The following KLHL29 variants were observed in gnomAD, a reference collection of about 807,000 sequenced individuals.
The protein encoded by KLHL29 is kelch like family member 29.
A neutral mutation model predicts 80.4 loss-of-function variants in KLHL29; 21 were observed. That is an observed-to-expected ratio of 0.26 (90% confidence interval 0.19 to 0.38). KLHL29 has a LOEUF of 0.38. Ranked by LOEUF, KLHL29 falls within the 10% of genes least tolerant of loss-of-function variation. KLHL29 has a pLI of 1.00. For synonymous variants in KLHL29, 511 were observed against 526.8 expected, an observed-to-expected ratio of 0.97 and a Z score of 0.41; for missense variants, 867 against 1,223.9, an observed-to-expected ratio of 0.71 and a Z score of 4.35.
chr2:23,613,342 AAGAT>A (rs1296186203), intron 3 of KLHL29, among the ~76,000 whole-genome samples: 1 of 152,240 alleles, frequency 6.6e-6, no homozygotes, highest in African/African-American at 2.4e-5. Context: ...AAGGTATAGA[AAGAT>A]TAAAGGGAAA....
At chr2:23,500,152 C>T (rs536973547) in intron 2 of KLHL29, among the ~76,000 whole-genome samples, 21 of 152,232 alleles carry the variant, frequency 1.4e-4, no homozygotes, top group Non-Finnish European at 2.6e-4. Flanking sequence ...TGGAAGGGAA[C>T]AGCAGGATAT....
At chr2:23,475,439 G>A (rs1427297508) in intron 1 of KLHL29, 121 bp from the exon 2 acceptor site, 1 of 122,876 alleles carries the variant, frequency 8.1e-6, no homozygotes, top group East Asian at 2.8e-4. Flanking sequence ...TCCAGTTAGT[G>A]TGGGGACCAC....
intron 5 of KLHL29, among the ~76,000 whole-genome samples, chr2:23,673,758 C>T (rs1440471135): frequency 6.6e-6 from 1 of 151,882 alleles, no homozygotes; most frequent in Non-Finnish European, 1.5e-5. Context: ...CACACACCCA[C>T]ACAACATGCT....
intron 2 of KLHL29, among the ~76,000 whole-genome samples, chr2:23,555,820 C>A (rs1054197780): frequency 6.6e-6 from 1 of 152,246 alleles, no homozygotes; most frequent in African/African-American, 2.4e-5. Context: ...TCTGCCCCAC[C>A]TCCTCTGAGA....
intron 2 of KLHL29, among the ~76,000 whole-genome samples, chr2:23,478,593 G>A (rs1664698870): frequency 6.6e-6 from 1 of 152,188 alleles, no homozygotes; most frequent in Admixed American, 6.5e-5. Flanking sequence ...AGGAAAGAGG[G>A]GTGGGGGGAG....
chr2:23,483,730 T>G (rs1397993103), intron 2 of KLHL29, among the ~76,000 whole-genome samples: 1 of 152,210 alleles, frequency 6.6e-6, no homozygotes, highest in East Asian at 1.9e-4. Flanking sequence ...TTGCCATTTA[T>G]TGTACCAAGG....
intron 11 of KLHL29, among the ~76,000 whole-genome samples, chr2:23,702,907 G>A (rs115845123): frequency 0.045 from 6,386 of 143,022 alleles, 200 homozygotes; most frequent in Middle Eastern, 0.077. Flanking sequence ...GGGGAGCACT[G>A]TGTGAGCAAA....
intron 5 of KLHL29, among the ~76,000 whole-genome samples, chr2:23,651,499 T>C (rs1670086324): frequency 6.6e-6 from 1 of 152,206 alleles, no homozygotes; most frequent in African/African-American, 2.4e-5. Context: ...GTCAACGCCA[T>C]GGCTACATCT....
chr2:23,433,108 C>T (rs980989910), intron 1 of KLHL29, among the ~76,000 whole-genome samples: 1 of 152,174 alleles, frequency 6.6e-6, no homozygotes, highest in Non-Finnish European at 1.5e-5. Context: ...TGGCCGGTGC[C>T]CCTTCTGGTG....
intron 5 of KLHL29, among the ~76,000 whole-genome samples, chr2:23,650,538 G>C (rs1287665931): frequency 6.6e-6 from 1 of 152,154 alleles, no homozygotes; most frequent in African/African-American, 2.4e-5. Context: ...TGTTTGCTGG[G>C]GTAGCAACCC....
At chr2:23,422,373 CTG>C (rs1662841671) in intron 1 of KLHL29, among the ~76,000 whole-genome samples, 1 of 150,066 alleles carries the variant, frequency 6.7e-6, no homozygotes, top group African/African-American at 2.5e-5. Flanking sequence ...GTGTGTGTGT[CTG>C]TGTGTGTCTC....
At chr2:23,449,961 C>T (rs751264599) in intron 1 of KLHL29, among the ~76,000 whole-genome samples, 4 of 152,166 alleles carry the variant, frequency 2.6e-5, no homozygotes, top group Admixed American at 6.5e-5. Context: ...GTGCTCAAGC[C>T]AGGGCTCCCC....
intron 1 of KLHL29, among the ~76,000 whole-genome samples, chr2:23,433,517 A>G (rs1663245793): frequency 8.6e-6 from 1 of 116,808 alleles, no homozygotes; most frequent in Non-Finnish European, 1.7e-5. Flanking sequence ...TGGTCTGGGG[A>G]CAAAGTACAT....
intron 3 of KLHL29, among the ~76,000 whole-genome samples, chr2:23,595,111 A>C (rs1368252769): frequency 6.6e-6 from 1 of 152,134 alleles, no homozygotes; most frequent in East Asian, 1.9e-4. Context: ...CCATTTCTGG[A>C]GGATCACTTT....
At position 23,596,996 on chromosome 2, in the gene KLHL29, A is replaced by C. The variant is rs965086695; in HGVS notation, c.285+34515A>C. Among the ~76,000 whole-genome samples, 4 of 152,160 alleles carry C rather than the reference A, an allele frequency of 2.6e-5. No homozygotes were observed. The highest frequency in any genetic ancestry group is 5.9e-5 in the Non-Finnish European group (4 of 68,026). ...GAAGTCTCTTCCCACTGAAAAGAGA[A>C]GCAAAATACTTTTCAGAGCTGGATC... On this transcript the variant is annotated intron_variant, in intron 3 of 13. Coordinates refer to ENST00000486442, the MANE Select transcript of KLHL29 (RefSeq NM_052920.2). The surrounding 1 kb of genome is among the most constrained non-coding windows in gnomAD (Gnocchi z 4.4).
chr2:23,626,134 C>T (rs1669302896), intron 3 of KLHL29, among the ~76,000 whole-genome samples: 1 of 152,180 alleles, frequency 6.6e-6, no homozygotes, highest in Non-Finnish European at 1.5e-5. Context: ...ACTATTCCAC[C>T]TCCGATCATC....
chr2:23,663,200 G>A (rs1275361080), intron 5 of KLHL29, among the ~76,000 whole-genome samples: 1 of 152,256 alleles, frequency 6.6e-6, no homozygotes, highest in Non-Finnish European at 1.5e-5. Context: ...GAGATAGATG[G>A]TTGCAGGCAC....
intron 2 of KLHL29, among the ~76,000 whole-genome samples, chr2:23,502,853 G>T (rs1377050088): frequency 6.6e-6 from 1 of 152,206 alleles, no homozygotes; most frequent in African/African-American, 2.4e-5. Context: ...GCTGCAGTGT[G>T]GTCCAAGCCC....
intron 3 of KLHL29, among the ~76,000 whole-genome samples, chr2:23,624,481 A>G (rs759059836): frequency 6.6e-6 from 1 of 152,178 alleles, no homozygotes; most frequent in Non-Finnish European, 1.5e-5. Context: ...ATGCCCTGCG[A>G]CATTGCCCCT....
Sources: gnomAD v4.1 joint callset for allele counts (sites outside exome capture counted in the v4.1 genomes callset) on GRCh38, gnomAD v4.1.1 for gene constraint, Gnocchi (gnomAD v3.1) non-coding constraint, MANE v1.5 for transcripts, NCBI Gene and HGNC (gene_info 2026-07-23, HGNC 2026-07-21) for gene names.